C2orf81: variants seen among roughly 807,000 people sequenced by gnomAD.
C2orf81 encodes the protein uncharacterized protein C2orf81.
In C2orf81, 5 loss-of-function variants were observed where a neutral mutation model predicts 7.9. That is an observed-to-expected ratio of 0.63 (90% CI 0.33 to 1.33). C2orf81 has a LOEUF of 1.33. Ranked by LOEUF, C2orf81 falls within the 40% of genes most tolerant of loss-of-function variation. The probability of loss-of-function intolerance (pLI) is 0.05; values close to 1 mark genes in which losing one functional copy is unlikely to be tolerated. For synonymous variants in C2orf81, 346 were observed against 367.4 expected (o/e 0.94, Z 0.66); for missense variants, 781 against 830.4 (o/e 0.94, Z 0.73).
intron 1 of C2orf81, chr2:74,417,586 A>G: frequency 2.8e-6 from 3 of 1,064,896 alleles, no homozygotes; most frequent in Non-Finnish European, 3.8e-6. Flanking sequence ...CGTGGTGACA[A>G]AGACAGTTTG....
chr2:74,418,029 G>A, intron 1 of C2orf81: 1 of 516,108 alleles, frequency 1.9e-6, no homozygotes, highest in Non-Finnish European at 3.6e-6. Flanking sequence ...GGTGGTGGCT[G>A]GAGGCGGTGG....
chr2:74,417,485 C>G (rs1043950600), intron 1 of C2orf81: 2 of 1,270,984 alleles, frequency 1.6e-6, no homozygotes, highest in Admixed American at 4.6e-5. Context: ...AGGGGACTCA[C>G]ACCCCTCCCG....
chr2:74,417,364 A>C, intron 1 of C2orf81: 1 of 1,307,786 alleles, frequency 7.6e-7, no homozygotes, highest in Non-Finnish European at 1.0e-6. Context: ...TAGCTGCCAC[A>C]GGGCTCATGG....
At chr2:74,416,279 A>C (rs1281122880) in intron 1 of C2orf81, 38 bp from the exon 2 acceptor site, 1 of 1,288,314 alleles carries the variant, frequency 7.8e-7, no homozygotes, top group South Asian at 1.3e-5. Context: ...GCAGGAAACC[A>C]AGAAGTGGAA....
At chr2:74,418,162 T>G in intron 1 of C2orf81, 1 of 1,036,764 alleles carries the variant, frequency 9.6e-7, no homozygotes, top group Non-Finnish European at 1.5e-6. Context: ...GCCCTTCTCT[T>G]CCTCCTTCTC....
At position 74,416,188 on chromosome 2, in the gene C2orf81, T is replaced by G; in HGVS notation, c.72A>C (p.Lys24Asn). The G allele has an allele frequency of 6.9e-7, 1 of 1,446,620 alleles. No individual in the cohort carries two copies. The highest frequency in any genetic ancestry group is 9.2e-7 in the Non-Finnish European group (1 of 1,082,176). The allele number at this position is 1,446,620 out of a possible 1,614,324, so 89.6% of individuals were successfully genotyped here. The change falls in exon 2 of 3, where the codon AAA (lysine) becomes AAC (asparagine). Residue 24 changes from lysine (K) to asparagine (N), a missense_variant. Physicochemically the swap from Lys to Asn is moderately conservative, Grantham distance 94. Transcript: ENST00000684111. Reference protein sequence around the residue: ...DRGVTRSKAEKVRPPTVPVPQ... With the variant: ...DRGVTRSKAENVRPPTVPVPQ... ...GCACTGGCACAGTGGGCGGCCGCACTTTTTCCGCCTTGGACCGGGTCACCC... is the reference window on the plus strand; with the variant it reads ...GCACTGGCACAGTGGGCGGCCGCACGTTTTCCGCCTTGGACCGGGTCACCC...
rs1676376702 is a variant in C2orf81 at position 74,414,361 on chromosome 2, G to A, written c.1816C>T (p.Pro606Ser). 8 of 1,507,762 alleles carry A rather than the reference G, an allele frequency of 5.3e-6. No homozygotes were observed. The highest frequency in any genetic ancestry group is 7.1e-6 in the Non-Finnish European group (8 of 1,121,588). 93.4% of individuals were successfully genotyped at this position (1,507,762 alleles called of 1,614,324 possible). A position where few individuals can be genotyped will look rare whatever the true frequency, so the allele number is the denominator to read the frequency against. The change falls in exon 3 of 3, where the codon CCC becomes TCC. Residue 606 changes from proline (P) to serine (S), a missense_variant. Coordinates refer to ENST00000684111, the MANE Select transcript of C2orf81 (RefSeq NM_001316764.3). This position sits in a 1 kb window ranked among gnomAD's most constrained non-coding sequence, Gnocchi z 5.3. ...GGCTTTGGGGCACCTGTCTGGATGGGATGTTGCTCAACGGGAGGAAAGGTG... is the reference window on the plus strand; with the variant it reads ...GGCTTTGGGGCACCTGTCTGGATGGAATGTTGCTCAACGGGAGGAAAGGTG... ...GSTFPPVEQHPIQTGAPKPR is the reference protein window; with the variant it reads ...GSTFPPVEQHSIQTGAPKPR
rs1676457895 is a variant in C2orf81, at chr2:74,416,052, G to A, written c.208C>T (p.Arg70Ter). The A allele has an allele frequency of 6.5e-7, 1 of 1,549,614 alleles. No homozygotes were observed. Among genetic ancestry groups the A allele is most frequent in the Non-Finnish European group, 8.7e-7 (1 of 1,146,610 alleles). The change falls in exon 2 of 3, where the codon CGA becomes TGA. Residue 70 changes from arginine (R) to a stop codon, truncating the protein, a stop_gained. Transcript: ENST00000684111. LOFTEE classifies it low-confidence loss of function (END_TRUNC). Reference sequence around the variant, plus strand: ...ACTTTGAAAGCAGAGTCCATGACTCGAGCCAGCAAGTCGGCCAAGATGTCC... The same window carrying A: ...ACTTTGAAAGCAGAGTCCATGACTCAAGCCAGCAAGTCGGCCAAGATGTCC... ...VGDILADLLA[R>*]VMDSAFKVYL...
chr2:74,415,061 G>A lies in C2orf81; in HGVS notation c.1116C>T (p.Ala372=), dbSNP rs1676407074. 1.3e-6 allele frequency: 2 copies of A among 1,548,338 alleles called. No individual in the cohort carries two copies. Among genetic ancestry groups the A allele is most frequent in the African/African-American group, 1.4e-5 (1 of 73,072 alleles). The change falls in exon 3 of 3, where the codon GCC becomes GCT. Residue 372 remains alanine (A), a synonymous_variant. Coordinates refer to ENST00000684111, the MANE Select transcript of C2orf81 (RefSeq NM_001316764.3). This position sits in a 1 kb window ranked among gnomAD's most constrained non-coding sequence, Gnocchi z 5.5. ...GCCTCGCAGGGTCCAGGCGTTTCAC[G>A]GCCGCCTTGCGGCGCATCCTGTGGT... ...AHHHRMRRKA[A]VKRLDPARLP...
chr2:74,416,924 G>T (rs1029916927), intron 1 of C2orf81, among the ~76,000 whole-genome samples: 3 of 152,066 alleles, frequency 2.0e-5, no homozygotes, highest in African/African-American at 7.2e-5. Context: ...TGACAGACCC[G>T]GGGGAGCAGG....
intron 1 of C2orf81, chr2:74,416,524 G>A (rs577459212): frequency 1.2e-3 from 226 of 184,804 alleles, no homozygotes; most frequent in Middle Eastern, 0.01. Context: ...CAGAGACTGC[G>A]CCACTGCACC....
chr2:74,415,955 C>A lies in C2orf81; in HGVS notation c.250-28G>T. Reference sequence around the variant, plus strand: ...GCGGAGGCGAGAGAGGATCTCAGGTCGGCAGGGAGGGGCGGGAGAGGGAGA... The same window carrying A: ...GCGGAGGCGAGAGAGGATCTCAGGTAGGCAGGGAGGGGCGGGAGAGGGAGA... On this transcript the variant is annotated intron_variant, in intron 2 of 2. Coordinates refer to ENST00000684111, the MANE Select transcript of C2orf81 (RefSeq NM_001316764.3). This position sits in a 1 kb window ranked among gnomAD's most constrained non-coding sequence, Gnocchi z 5.5. The A allele has an allele frequency of 1.3e-6, 2 of 1,546,594 alleles. No homozygotes were observed. Among genetic ancestry groups the A allele is most frequent in the Non-Finnish European group, 1.7e-6 (2 of 1,143,414 alleles).
chr2:74,417,060 G>C (rs866864201), intron 1 of C2orf81, among the ~76,000 whole-genome samples: 2 of 152,336 alleles, frequency 1.3e-5, no homozygotes. Context: ...AGTAACCTGG[G>C]GGAGGGGATC....
rs1179417710 is a variant in C2orf81, at chr2:74,414,516, G to T, written c.1661C>A (p.Ser554Tyr). The change falls in exon 3 of 3, where the codon TCC (serine) becomes TAC (tyrosine). Residue 554 changes from serine to tyrosine, a missense_variant. Ser to Tyr is a moderately radical substitution (Grantham distance 144). Transcript: ENST00000684111. This position sits in a 1 kb window ranked among gnomAD's most constrained non-coding sequence, Gnocchi z 5.3. ...CAACACGGGCTTCCACATCACCTGGGAAGTGGCTTCAAGGACCGGGGGTGT... is the reference window on the plus strand; with the variant it reads ...CAACACGGGCTTCCACATCACCTGGTAAGTGGCTTCAAGGACCGGGGGTGT... ...RTTPPVLEATSQVMWKPVLLP... is the reference protein window; with the variant it reads ...RTTPPVLEATYQVMWKPVLLP... 2 of 1,547,148 alleles carry T rather than the reference G, an allele frequency of 1.3e-6. No homozygotes were observed. The highest frequency in any genetic ancestry group is 2.7e-5 in the African/African-American group (2 of 73,110).
Position 74,415,301 on chromosome 2 carries a change from G to A in C2orf81, c.876C>T (p.His292=). The A allele has an allele frequency of 1.9e-6, 3 of 1,550,772 alleles. No individual in the cohort carries two copies. Among genetic ancestry groups the A allele is most frequent in the Non-Finnish European group, 2.6e-6 (3 of 1,146,570 alleles). ...ASPQASTGRG[H]PLGFHLSLED... Reference sequence around the variant, plus strand: ...CCAACGACAAATGGAAGCCGAGGGGGTGTCCCCTCCCAGTTGAGGCCTGGG... The same window carrying A: ...CCAACGACAAATGGAAGCCGAGGGGATGTCCCCTCCCAGTTGAGGCCTGGG... Residue 292 remains histidine (H), a synonymous_variant, in exon 3 of 3, where the codon CAC becomes CAT. Coordinates refer to ENST00000684111, the MANE Select transcript of C2orf81 (RefSeq NM_001316764.3). The surrounding 1 kb of genome is among the most constrained non-coding windows in gnomAD (Gnocchi z 5.5).
Position 74,414,574 on chromosome 2 carries a change from C to T in C2orf81, c.1603G>A (p.Glu535Lys), listed in dbSNP as rs2103824776. The T allele has an allele frequency of 6.5e-7, 1 of 1,542,842 alleles. No individual in the cohort carries two copies. The highest frequency in any genetic ancestry group is 8.8e-7 in the Non-Finnish European group (1 of 1,140,726). Residue 535 changes from glutamate (E) to lysine (K), a missense_variant, in exon 3 of 3, where the codon GAG becomes AAG. Physicochemically the swap from Glu to Lys is moderately conservative, Grantham distance 56. Coordinates refer to ENST00000684111, the MANE Select transcript of C2orf81 (RefSeq NM_001316764.3). This position sits in a 1 kb window ranked among gnomAD's most constrained non-coding sequence, Gnocchi z 5.3. ...PPQGLELADR[E>K]GQDPGRWPRT... is the part of the protein sequence containing the mutation. ...GGCCATCTGCCAGGATCCTGGCCCT[C>T]CCTGTCTGCCAGCTCCAGACCCTGT...
At chr2:74,420,772 CTTTTTT>C (rs745827470) in intron 1 of C2orf81, among the ~76,000 whole-genome samples, 20 of 72,700 alleles carry the variant, frequency 2.8e-4, no homozygotes, top group South Asian at 1.3e-3. Flanking sequence ...TCTTCTTCTT[CTTTTTT>C]TTTTTTTTTT....
rs1243300246 is a variant in C2orf81 at position 74,415,923 on chromosome 2, A to G, written c.254T>C (p.Ile85Thr). 1.3e-6 allele frequency: 2 copies of G among 1,547,966 alleles called. No individual in the cohort carries two copies. The highest frequency in any genetic ancestry group is 1.7e-6 in the Non-Finnish European group (2 of 1,144,088). ...AFKVYLTQQC[I>T]PFTISQAREA... ...CCGGGCCTGGCTGATGGTGAATGGA[A>G]TGCACTGCGGAGGCGAGAGAGGATC... The change falls in exon 3 of 3, where the codon ATT becomes ACT. Residue 85 changes from isoleucine to threonine, a missense_variant. By Grantham distance (89) the Ile-to-Thr change is moderately conservative. Transcript: ENST00000684111. This position sits in a 1 kb window ranked among gnomAD's most constrained non-coding sequence, Gnocchi z 5.5.
chr2:74,418,321 A>G, intron 1 of C2orf81: 1 of 1,605,934 alleles, frequency 6.2e-7, no homozygotes, highest in Non-Finnish European at 8.5e-7. Context: ...ACTCCCTACC[A>G]GCGCTGTCCT....
Sources: gnomAD v4.1 joint callset for allele counts (sites outside exome capture counted in the v4.1 genomes callset) on GRCh38, gnomAD v4.1.1 for gene constraint, Gnocchi (gnomAD v3.1) non-coding constraint, MANE v1.5 for transcripts, NCBI Gene and HGNC (gene_info 2026-07-23, HGNC 2026-07-21) for gene names.